The following SNX14 variants were observed in gnomAD, a reference collection of about 807,000 sequenced individuals.
SNX14 encodes the protein sorting nexin 14, also known as sorting nexin-14.
SNX14 carries 93 observed loss-of-function variants against 133.8 expected under a neutral mutation model. That is an observed-to-expected ratio of 0.70 (90% CI 0.59 to 0.83). SNX14 has a LOEUF of 0.83. Among genes scored for constraint, SNX14 ranks in the 40% least tolerant of loss-of-function variants. SNX14 has a pLI of 0.00. For missense variants in SNX14, 945 were observed against 1,094.9 expected, an observed-to-expected ratio of 0.86 and a Z score of 1.93; for synonymous variants, 368 against 365.6, an observed-to-expected ratio of 1.01 and a Z score of -0.07.
At chr6:85,584,713 T>C (rs1388040883) in intron 1 of SNX14, among the ~76,000 whole-genome samples, 1 of 152,120 alleles carries the variant, frequency 6.6e-6, no homozygotes, top group African/African-American at 2.4e-5. Flanking sequence ...CATTTCATGC[T>C]AGTTAGAATG....
intron 5 of SNX14, among the ~76,000 whole-genome samples, chr6:85,567,104 C>T (rs1454798151): frequency 1.3e-5 from 2 of 152,300 alleles, no homozygotes; most frequent in Admixed American, 6.5e-5. Flanking sequence ...AAACTGTATA[C>T]AAAATTATTA....
intron 21 of SNX14, among the ~76,000 whole-genome samples, chr6:85,524,686 A>G (rs1778018991): frequency 6.6e-6 from 1 of 151,960 alleles, no homozygotes; most frequent in Non-Finnish European, 1.5e-5. Flanking sequence ...TGGGAGGCTA[A>G]GGCAGGAGAA....
intron 1 of SNX14, among the ~76,000 whole-genome samples, chr6:85,577,785 C>CACAA (rs1288901316): frequency 6.6e-6 from 1 of 151,948 alleles, no homozygotes. Flanking sequence ...CAAGGTCAAA[C>CACAA]ACAAACGAAC....
At chr6:85,514,465 A>G (rs1235632510) in intron 24 of SNX14, 41 bp downstream of exon 24, 4 of 1,599,662 alleles carry the variant, frequency 2.5e-6, no homozygotes, top group African/African-American at 2.7e-5. Flanking sequence ...CAGAAGAAGT[A>G]AGATGAATGA....
chr6:85,523,048 C>A (rs889487666), intron 21 of SNX14, among the ~76,000 whole-genome samples: 1 of 152,042 alleles, frequency 6.6e-6, no homozygotes, highest in African/African-American at 2.4e-5. Context: ...TATGGAAGGG[C>A]ATTTAAAGTA....
In SNX14 at chr6:85,567,515, T is replaced by A; in HGVS notation, c.461+19A>T. 2 of 1,504,298 alleles carry A rather than the reference T, an allele frequency of 1.3e-6. No homozygotes were observed. The allele number at this position is 1,504,298 out of a possible 1,614,324, so 93.2% of individuals were successfully genotyped here. On this transcript the variant is annotated intron_variant, in intron 5 of 28. Transcript: ENST00000314673. ...ATTCACTGTATCACAGAAAAAAAGATCTTATAGAAAGAACATACCTGTACC... is the reference window on the plus strand; with the variant it reads ...ATTCACTGTATCACAGAAAAAAAGAACTTATAGAAAGAACATACCTGTACC...
intron 26 of SNX14, among the ~76,000 whole-genome samples, chr6:85,511,087 T>G (rs1015772995): frequency 5.9e-5 from 9 of 152,126 alleles, no homozygotes; most frequent in African/African-American, 2.2e-4. Context: ...TTCTTTGATT[T>G]CTTTAATTAA....
intron 26 of SNX14, among the ~76,000 whole-genome samples, chr6:85,511,407 CT>C (rs1462451499): frequency 1.3e-5 from 2 of 152,072 alleles, no homozygotes; most frequent in Non-Finnish European, 2.9e-5. Context: ...TCTTTATTTC[CT>C]TTTCTTGTCT....
intron 12 of SNX14, among the ~76,000 whole-genome samples, chr6:85,546,156 G>T (rs1313214089): frequency 3.9e-5 from 6 of 152,196 alleles, no homozygotes; most frequent in Non-Finnish European, 7.3e-5. Context: ...TTTGGCAGGA[G>T]TAGGGGAAAG....
At position 85,574,119 on chromosome 6, in the gene SNX14, C is replaced by A. The variant is rs201616259; in HGVS notation, c.261+139G>T. On this transcript the variant is annotated intron_variant, in intron 2 of 28. Coordinates refer to ENST00000314673, the MANE Select transcript of SNX14 (RefSeq NM_153816.6). ...CTTTTAGCAGAGTACCTAAAAAAAA[C>A]AAAAAAAAAAAAGAGAAGAAATTGA... 712 of 421,296 alleles carry A rather than the reference C, an allele frequency of 1.7e-3. 2 individuals carry two copies. Among genetic ancestry groups the A allele is most frequent in the African/African-American group, 5.2e-3 (238 of 45,924 alleles). 26.1% of individuals were successfully genotyped at this position (421,296 alleles called of 1,614,324 possible).
At chr6:85,508,235 A>T (rs1399816788) in intron 26 of SNX14, 176 bp from the exon 27 acceptor site, 38 of 1,286,270 alleles carry the variant, frequency 3.0e-5, no homozygotes, top group South Asian at 5.0e-5. Context: ...TTCTATGGTC[A>T]AGTTGACAAA....
At chr6:85,521,533 C>T (rs1776851202) in intron 21 of SNX14, among the ~76,000 whole-genome samples, 1 of 152,102 alleles carries the variant, frequency 6.6e-6, no homozygotes, top group Non-Finnish European at 1.5e-5. Flanking sequence ...CAAATATTCT[C>T]TCCCCTTGTA....
intron 6 of SNX14, among the ~76,000 whole-genome samples, chr6:85,564,806 G>A (rs1165098112): frequency 6.6e-6 from 1 of 151,874 alleles, no homozygotes; most frequent in Non-Finnish European, 1.5e-5. Flanking sequence ...TGGCTAACAC[G>A]GTGAAACCCT....
chr6:85,593,594 G>C lies in SNX14; in HGVS notation c.125C>G (p.Ser42Cys), dbSNP rs1297367764. The C allele has an allele frequency of 1.9e-6, 3 of 1,612,276 alleles. No individual in the cohort carries two copies. The highest frequency in any genetic ancestry group is 2.7e-5 in the African/African-American group (2 of 75,038). ...CFLLLCLSAA[S>C]LLLNRYIHIL... ...GCGGCGTTACCTGTTAAGAAGCAGGGAGGCGGCGCTGAGACAGAGCAGCAG... is the reference window on the plus strand; with the variant it reads ...GCGGCGTTACCTGTTAAGAAGCAGGCAGGCGGCGCTGAGACAGAGCAGCAG... The change falls in exon 1 of 29, where the codon TCC (serine) becomes TGC (cysteine). Residue 42 changes from serine to cysteine, a missense_variant. Coordinates refer to ENST00000314673, the MANE Select transcript of SNX14 (RefSeq NM_153816.6).
At chr6:85,575,236 A>G (rs73481395) in intron 1 of SNX14, among the ~76,000 whole-genome samples, 2,428 of 152,324 alleles carry the variant, frequency 0.016, 73 homozygotes, top group African/African-American at 0.055. Context: ...TGATATGCAA[A>G]AATTTCAGAT....
In SNX14 at chr6:85,514,513, C is replaced by T. The variant is rs1456831197; in HGVS notation, c.2385G>A (p.Met795Ile). 7.4e-6 allele frequency: 12 copies of T among 1,612,940 alleles called. No individual in the cohort carries two copies. Among genetic ancestry groups the T allele is most frequent in the African/African-American group, 1.3e-5 (1 of 74,894 alleles). Reference protein sequence around the residue: ...MTVEGVYDYLMYVGRVVFQVP... With the variant: ...MTVEGVYDYLIYVGRVVFQVP... ...AAACCACTTAGATCTTACCTACATA[C>T]ATCAGGTAATCATAGACTCCTTCTA... Residue 795 changes from methionine to isoleucine, a missense_variant, in exon 24 of 29, where the codon ATG (methionine) becomes ATA (isoleucine). This residue lies in a region of SNX14 where 412 missense variants were observed against 516.6 expected (regional missense o/e 0.80). Coordinates refer to ENST00000314673, the MANE Select transcript of SNX14 (RefSeq NM_153816.6).
chr6:85,517,436 A>G (rs1775412690), intron 23 of SNX14: 1 of 174,064 alleles, frequency 5.7e-6, no homozygotes, highest in Admixed American at 6.2e-5. Flanking sequence ...CAATAAACAT[A>G]AACACAGTAT....
chr6:85,563,937 A>C (rs1299355330), intron 6 of SNX14, among the ~76,000 whole-genome samples: 3 of 151,690 alleles, frequency 2.0e-5, no homozygotes, highest in Non-Finnish European at 4.4e-5. Flanking sequence ...CCACCCCATG[A>C]CAGGTCCTGG....
chr6:85,508,016 GC>G lies in SNX14; in HGVS notation c.2696del (p.Ser899ThrfsTer18). 6.2e-7 allele frequency: 1 copy of G among 1,613,230 alleles called. No homozygotes were observed. Among genetic ancestry groups the G allele is most frequent in the Non-Finnish European group, 8.5e-7 (1 of 1,179,520 alleles). Reference protein sequence around the residue: ...KCIGEETKYESIRLLFDGLQQ... With the variant: ...KCIGEETKYEXIRLLFDGLQQ... ...GTAAGCCATCAAACAGAAGTCTGAT[GC>G]TTTCATACTTGGTTTCTTCACCAAT... On this transcript the variant is annotated frameshift_variant, in exon 27 of 29. Transcript: ENST00000314673. LOFTEE classifies it high-confidence loss of function.
Sources: allele counts gnomAD v4.1 joint callset (sites outside exome capture counted in the v4.1 genomes callset), GRCh38; gene constraint gnomAD v4.1.1; regional missense constraint gnomAD v4.1.1; transcripts MANE v1.5; gene names NCBI Gene and HGNC (gene_info 2026-07-23, HGNC 2026-07-21).